The following MTA3 variants were observed in gnomAD, a reference collection of about 807,000 sequenced individuals.
MTA3 encodes the protein metastasis-associated protein MTA3.
Under a neutral mutation model 83.5 loss-of-function variants are expected in MTA3, and 34 were observed. The ratio of observed to expected loss-of-function variants is 0.41; its 90% CI spans 0.31 to 0.54. MTA3 has a LOEUF of 0.54. Among genes scored for constraint, MTA3 ranks in the 20% least tolerant of loss-of-function variants. The probability of loss-of-function intolerance (pLI) is 0.33; values close to 1 mark genes in which losing one functional copy is unlikely to be tolerated. For missense variants in MTA3, 761 were observed against 726.4 expected, an observed-to-expected ratio of 1.05 and a Z score of -0.55; for synonymous variants, 303 against 252.7, an observed-to-expected ratio of 1.20 and a Z score of -1.89.
intron 2 of MTA3, among the ~76,000 whole-genome samples, chr2:42,577,590 C>G (rs1232721150): frequency 6.6e-6 from 1 of 151,782 alleles, no homozygotes; most frequent in Non-Finnish European, 1.5e-5. Context: ...AAGCGATTCT[C>G]CTGCCTCAGC....
chr2:42,754,359 T>A lies in MTA3; in HGVS notation c.*960T>A. The A allele has an allele frequency of 1.0e-6, 1 of 985,522 alleles. No homozygotes were observed. Among genetic ancestry groups the A allele is most frequent in the Non-Finnish European group, 1.2e-6 (1 of 829,992 alleles). The allele number at this position is 985,522 out of a possible 1,614,324, so 61.0% of individuals were successfully genotyped here. A position where few individuals can be genotyped will look rare whatever the true frequency, so the allele number is the denominator to read the frequency against. Reference sequence around the variant, plus strand: ...CTGTGTTTGTGGGTATGAGTCTGTGTGGCCAACCCCATGACCCCCACCCCT... The same window carrying A: ...CTGTGTTTGTGGGTATGAGTCTGTGAGGCCAACCCCATGACCCCCACCCCT... On this transcript the variant is annotated 3_prime_UTR_variant, in exon 17 of 17. Transcript: ENST00000405094.
intron 16 of MTA3, among the ~76,000 whole-genome samples, chr2:42,735,583 A>T (rs531381128): frequency 6.6e-5 from 10 of 152,286 alleles, no homozygotes; most frequent in African/African-American, 2.4e-4. Context: ...CTCTTTAAGA[A>T]CAATAACTTT....
chr2:42,614,179 C>G (rs1253004038), intron 4 of MTA3: 1 of 152,116 alleles, frequency 6.6e-6, no homozygotes, highest in African/African-American at 2.4e-5. Flanking sequence ...CTCACCGAAA[C>G]CTCTGCTTCC....
Position 42,609,575 on chromosome 2 carries a change from C to T in MTA3, c.308C>T (p.Thr103Ile). 1.9e-6 allele frequency: 3 copies of T among 1,613,534 alleles called. No individual in the cohort carries two copies. Among genetic ancestry groups the T allele is most frequent in the Non-Finnish European group, 2.5e-6 (3 of 1,179,656 alleles). The change falls in exon 4 of 17, where the codon ACA (threonine) becomes ATA (isoleucine). Residue 103 changes from threonine (T) to isoleucine (I), a missense_variant. By Grantham distance (89) the Thr-to-Ile change is moderately conservative. Coordinates refer to ENST00000405094, the MANE Select transcript of MTA3 (RefSeq NM_001330442.2). The stretch of plus-strand genomic sequence containing the variant: ...CGCCAGTATGAATCTCTGCCCGCAA[C>T]ACATATCAGGTAAGAACTTTTTAGG... ...LSRQYESLPA[T>I]HIRGKCSVAL...
At chr2:42,560,923 C>G (rs1011383569) in intron 2 of MTA3, among the ~76,000 whole-genome samples, 2 of 151,944 alleles carry the variant, frequency 1.3e-5, no homozygotes, top group Non-Finnish European at 2.9e-5. Flanking sequence ...AAAACAAAAA[C>G]CAAATTAAGT....
At chr2:42,505,702 C>G (rs1303003380) in intron 2 of MTA3, among the ~76,000 whole-genome samples, 1 of 151,460 alleles carries the variant, frequency 6.6e-6, no homozygotes, top group East Asian at 1.9e-4. Context: ...ATATGTACTT[C>G]AGAACAACCA....
chr2:42,603,344 G>A (rs1682818970), intron 3 of MTA3, among the ~76,000 whole-genome samples: 1 of 152,036 alleles, frequency 6.6e-6, no homozygotes, highest in Admixed American at 6.6e-5. Flanking sequence ...GTGCTCTGTT[G>A]GTGCTAGATA....
intron 2 of MTA3, among the ~76,000 whole-genome samples, chr2:42,519,309 A>C (rs1675303075): frequency 6.6e-6 from 1 of 152,130 alleles, no homozygotes; most frequent in African/African-American, 2.4e-5. Flanking sequence ...AAGGTTATTA[A>C]AAAAACAAGG....
chr2:42,705,028 GT>G (rs1391062436), intron 12 of MTA3, among the ~76,000 whole-genome samples: 1 of 152,152 alleles, frequency 6.6e-6, no homozygotes, highest in Non-Finnish European at 1.5e-5. Flanking sequence ...GGAAACGAAT[GT>G]TTATTGAAAA....
In MTA3 at chr2:42,755,195, C is replaced by T; in HGVS notation, c.*1796C>T. 2 of 985,530 alleles carry T rather than the reference C, an allele frequency of 2.0e-6. No individual in the cohort carries two copies. Among genetic ancestry groups the T allele is most frequent in the African/African-American group, 3.5e-5 (2 of 57,362 alleles). 61.0% of individuals were successfully genotyped at this position (985,530 alleles called of 1,614,324 possible). The stretch of plus-strand genomic sequence containing the variant: ...CACAGGAAAGCTGTCTGTCTGTACC[C>T]TGCTCTGGATTTATTGTCGTACTTG... On this transcript the variant is annotated 3_prime_UTR_variant, in exon 17 of 17. Coordinates refer to ENST00000405094, the MANE Select transcript of MTA3 (RefSeq NM_001330442.2).
intron 13 of MTA3, 68 bp from the exon 14 acceptor site, chr2:42,708,806 T>C (rs1354281614): frequency 2.0e-6 from 3 of 1,528,630 alleles, no homozygotes; most frequent in East Asian, 4.5e-5. Context: ...CTTTTGAGCA[T>C]GATGCAAACA....
rs747530833 is a variant in MTA3 at position 42,568,692 on chromosome 2, AGGC to A, written c.-42_-40del. 1.6e-4 allele frequency: 186 copies of A among 1,160,816 alleles called. No individual in the cohort carries two copies. Among genetic ancestry groups the A allele is most frequent in the Middle Eastern group, 3.4e-4 (1 of 2,984 alleles). 71.9% of individuals were successfully genotyped at this position (1,160,816 alleles called of 1,614,324 possible). A position where few individuals can be genotyped will look rare whatever the true frequency, so the allele number is the denominator to read the frequency against. ...GCGGTCGCGGCTGAGGCTGAGGAGGAGGCGGCGGCGGCGGGCGGGGCTCGGCTC... is the reference window on the plus strand; with the variant it reads ...GCGGTCGCGGCTGAGGCTGAGGAGGAGGCGGCGGCGGGCGGGGCTCGGCTC... On this transcript the variant is annotated 5_prime_UTR_variant, in exon 1 of 17. Coordinates refer to ENST00000405094, the MANE Select transcript of MTA3 (RefSeq NM_001330442.2).
chr2:42,630,076 A>G (rs931328305), intron 4 of MTA3, among the ~76,000 whole-genome samples: 8 of 152,186 alleles, frequency 5.3e-5, no homozygotes, highest in African/African-American at 1.7e-4. Flanking sequence ...ACACCCGGCA[A>G]AAAACAATTT....
intron 16 of MTA3, among the ~76,000 whole-genome samples, chr2:42,726,263 G>C (rs1667808788): frequency 6.6e-6 from 1 of 152,092 alleles, no homozygotes; most frequent in Non-Finnish European, 1.5e-5. Context: ...GAGATGTTTA[G>C]GCCTCTTAGC....
chr2:42,701,757 A>G (rs972117805), intron 11 of MTA3, among the ~76,000 whole-genome samples: 3 of 150,908 alleles, frequency 2.0e-5, no homozygotes, highest in Admixed American at 6.6e-5. Flanking sequence ...CTCTACTAAA[A>G]ATACAAAAAT....
At chr2:42,521,281 G>T (rs1262330463) in intron 2 of MTA3, among the ~76,000 whole-genome samples, 4 of 152,146 alleles carry the variant, frequency 2.6e-5, no homozygotes, top group African/African-American at 9.7e-5. Flanking sequence ...GACATCTCTG[G>T]CCAGCAATCA....
chr2:42,528,479 C>G (rs1405160802), intron 2 of MTA3, among the ~76,000 whole-genome samples: 2 of 152,202 alleles, frequency 1.3e-5, no homozygotes, highest in Admixed American at 1.3e-4. Context: ...CTCGGCCTCC[C>G]AAAGTGCTGG....
chr2:42,495,678 C>G (rs760432323), intron 2 of MTA3, among the ~76,000 whole-genome samples: 1 of 152,134 alleles, frequency 6.6e-6, no homozygotes, highest in Non-Finnish European at 1.5e-5. Context: ...CAATGGGGAT[C>G]TCAACTGCAG....
intron 6 of MTA3, among the ~76,000 whole-genome samples, chr2:42,648,040 C>T (rs1475924095): frequency 1.3e-5 from 2 of 152,188 alleles, no homozygotes; most frequent in Non-Finnish European, 2.9e-5. Context: ...AGGGTTTCGC[C>T]GTGTTGGCCA....
Sources: gnomAD v4.1 joint callset for allele counts (sites outside exome capture counted in the v4.1 genomes callset) on GRCh38, gnomAD v4.1.1 for gene constraint, MANE v1.5 for transcripts, NCBI Gene and HGNC (gene_info 2026-07-23, HGNC 2026-07-21) for gene names.